PTPRD: variants seen among roughly 807,000 people sequenced by gnomAD.
PTPRD encodes the protein receptor-type tyrosine-protein phosphatase delta.
Under a neutral mutation model 214.5 loss-of-function variants are expected in PTPRD, and 34 were observed. That is an observed-to-expected ratio of 0.16 (90% CI 0.12 to 0.21). The LOEUF (loss-of-function observed/expected upper bound fraction) is 0.21, where lower values mean the gene tolerates loss of function less well. PTPRD is among the 10% of genes least tolerant of loss of function. PTPRD has a pLI of 1.00. For missense variants in PTPRD, 2,545 were observed against 2,398.7 expected (o/e 1.06, Z -1.27); for synonymous variants, 1,128 against 845.7 (o/e 1.33, Z -5.79).
chr9:10,338,194 T>G (rs1256695089), intron 3 of PTPRD, among the ~76,000 whole-genome samples: 1 of 151,572 alleles, frequency 6.6e-6, no homozygotes, highest in Non-Finnish European at 1.5e-5. Flanking sequence ...AGAAACCATG[T>G]TCATTGCCAG....
chr9:9,253,492 C>T (rs1334201363), intron 9 of PTPRD, among the ~76,000 whole-genome samples: 2 of 126,318 alleles, frequency 1.6e-5, no homozygotes, highest in African/African-American at 5.1e-5. Flanking sequence ...AGCTTGACTG[C>T]ACTTGTTTTT....
At chr9:8,401,328 G>A (rs981947808) in intron 36 of PTPRD, among the ~76,000 whole-genome samples, 1 of 151,754 alleles carries the variant, frequency 6.6e-6, no homozygotes, top group Non-Finnish European at 1.5e-5. Flanking sequence ...TCATACTAGC[G>A]AGTTTTTTGT....
chr9:8,430,628 A>G (rs934802902), intron 35 of PTPRD, among the ~76,000 whole-genome samples: 2 of 152,074 alleles, frequency 1.3e-5, no homozygotes, highest in Non-Finnish European at 2.9e-5. Context: ...TAAAATGTAG[A>G]TTCTGAATCA....
In PTPRD at chr9:8,874,355, C is replaced by T. The variant is rs117300604; in HGVS notation, c.-103-140409G>A. ...TTCATCAAGTGTGACTACAGTTGAACGGACTGTTTTTTTTGCAATTTCCCA... is the reference window on the plus strand; with the variant it reads ...TTCATCAAGTGTGACTACAGTTGAATGGACTGTTTTTTTTGCAATTTCCCA... On this transcript the variant is annotated intron_variant, in intron 11 of 45. Transcript: ENST00000381196. Among the ~76,000 whole-genome samples the T allele has an allele frequency of 1.9e-3, 264 of 138,380 alleles. 1 individual carries two copies. The highest frequency in any genetic ancestry group is 3.0e-3 in the Non-Finnish European group (180 of 59,692). 90.8% of individuals were successfully genotyped at this position (138,380 alleles called of 152,430 possible).
chr9:10,463,745 T>A (rs962648665), intron 2 of PTPRD, among the ~76,000 whole-genome samples: 1 of 151,432 alleles, frequency 6.6e-6, no homozygotes, highest in Non-Finnish European at 1.5e-5. Context: ...AACTTCAGAG[T>A]CTTACAAAAA....
intron 3 of PTPRD, among the ~76,000 whole-genome samples, chr9:10,054,515 C>G: frequency 6.6e-6 from 1 of 152,110 alleles, no homozygotes; most frequent in Non-Finnish European, 1.5e-5. Flanking sequence ...CTTTAGAAAA[C>G]TTGTAATTGT....
chr9:8,570,103 C>T (rs970746074), intron 14 of PTPRD, among the ~76,000 whole-genome samples: 2 of 152,020 alleles, frequency 1.3e-5, no homozygotes, highest in East Asian at 1.9e-4. Flanking sequence ...TAGCAGAGAT[C>T]GAGTCCATTA....
At chr9:8,549,403 A>G (rs1269738489) in intron 14 of PTPRD, among the ~76,000 whole-genome samples, 1 of 152,182 alleles carries the variant, frequency 6.6e-6, no homozygotes, top group African/African-American at 2.4e-5. Context: ...TTTCTCTCAT[A>G]TGAAAATGAC....
At chr9:8,993,571 T>C (rs1386484303) in intron 11 of PTPRD, among the ~76,000 whole-genome samples, 1 of 152,126 alleles carries the variant, frequency 6.6e-6, no homozygotes, top group Non-Finnish European at 1.5e-5. Flanking sequence ...CAATGATATA[T>C]TTGGATCAAA....
At chr9:8,497,894 G>A (rs997227900) in intron 25 of PTPRD, among the ~76,000 whole-genome samples, 2 of 152,156 alleles carry the variant, frequency 1.3e-5, no homozygotes, top group African/African-American at 4.8e-5. Context: ...AAATATCTAA[G>A]AACCAAAGGA....
intron 2 of PTPRD, among the ~76,000 whole-genome samples, chr9:10,593,367 G>A (rs1315618145): frequency 6.6e-6 from 1 of 151,998 alleles, no homozygotes; most frequent in African/African-American, 2.4e-5. Context: ...GATTACTCAC[G>A]AGGACATAAA....
chr9:8,455,499 G>C (rs1160996931), intron 33 of PTPRD, among the ~76,000 whole-genome samples: 2 of 152,108 alleles, frequency 1.3e-5, no homozygotes, highest in Non-Finnish European at 2.9e-5. Context: ...TTTTCAGTGA[G>C]TTCCCAGTTG....
intron 2 of PTPRD, among the ~76,000 whole-genome samples, chr9:10,582,075 G>C (rs986485609): frequency 6.6e-6 from 1 of 152,146 alleles, no homozygotes; most frequent in Non-Finnish European, 1.5e-5. Flanking sequence ...TAGAAATTTA[G>C]TCAGGTGCTT....
chr9:9,247,881 A>G (rs1350805666), intron 9 of PTPRD, among the ~76,000 whole-genome samples: 4 of 151,988 alleles, frequency 2.6e-5, no homozygotes, highest in African/African-American at 9.7e-5. Context: ...CATACATTTC[A>G]TTTGCATTTC....
chr9:8,687,001 T>G (rs536813905), intron 12 of PTPRD, among the ~76,000 whole-genome samples: 2 of 152,212 alleles, frequency 1.3e-5, no homozygotes, highest in South Asian at 4.1e-4. Flanking sequence ...CTGTGTAACA[T>G]TGCTTTTCAC....
At chr9:10,479,785 T>A (rs1423364895) in intron 2 of PTPRD, among the ~76,000 whole-genome samples, 1 of 151,962 alleles carries the variant, frequency 6.6e-6, no homozygotes, top group Non-Finnish European at 1.5e-5. Context: ...TACACGACTG[T>A]ACTTCAGCCT....
chr9:8,380,503 G>T (rs1397759560), intron 37 of PTPRD, among the ~76,000 whole-genome samples: 1 of 152,122 alleles, frequency 6.6e-6, no homozygotes, highest in Non-Finnish European at 1.5e-5. Flanking sequence ...AAATTTGCGG[G>T]AGGCATTTCT....
chr9:8,501,864 G>A (rs2097417900), intron 23 of PTPRD, among the ~76,000 whole-genome samples: 1 of 152,148 alleles, frequency 6.6e-6, no homozygotes, highest in Non-Finnish European at 1.5e-5. Context: ...AGACACCATT[G>A]CTAGTGAAGA....
rs2099971031 is a variant in PTPRD, at chr9:9,242,798, G to C, written c.-202-59435C>G. ...CCGATGGTTTCAAACTCCTCCCTTAGCTCTGAGAATTTTGATCATCTGCAG... is the reference window on the plus strand; with the variant it reads ...CCGATGGTTTCAAACTCCTCCCTTACCTCTGAGAATTTTGATCATCTGCAG... On this transcript the variant is annotated intron_variant, in intron 9 of 45. Transcript: ENST00000381196. Among the ~76,000 whole-genome samples, 3 of 152,160 alleles carry C rather than the reference G, an allele frequency of 2.0e-5. No homozygotes were observed. In the South Asian group the frequency reaches 6.2e-4, roughly 32 times the overall value.
Sources: allele counts gnomAD v4.1 joint callset (sites outside exome capture counted in the v4.1 genomes callset), GRCh38; gene constraint gnomAD v4.1.1; transcripts MANE v1.5; gene names NCBI Gene and HGNC (gene_info 2026-07-23, HGNC 2026-07-21).